Variants in CDH4 observed in about 807,000 individuals in gnomAD.
CDH4 encodes the protein cadherin-4.
In CDH4, 33 loss-of-function variants were observed where a neutral mutation model predicts 86.0. That is an observed-to-expected ratio of 0.38 (90% CI 0.29 to 0.51). CDH4 has a LOEUF of 0.51. Ranked by LOEUF, CDH4 falls within the 20% of genes least tolerant of loss-of-function variation. The pLI is 0.86. For missense variants in CDH4, 1,114 were observed against 1,307.4 expected, an observed-to-expected ratio of 0.85 and a Z score of 2.28; for synonymous variants, 555 against 549.4, an observed-to-expected ratio of 1.01 and a Z score of -0.14.
rs116840282 is a variant in CDH4, at chr20:61,374,098, A to G, written c.169+119161A>G. ...ATGGACCCCAAGTTTTTAAACATCT[A>G]TCAAGCACTGTCACAGAGCTGGCAC... On this transcript the variant is annotated intron_variant, in intron 2 of 15. Coordinates refer to ENST00000614565, the MANE Select transcript of CDH4 (RefSeq NM_001794.5). Among the ~76,000 whole-genome samples the G allele has an allele frequency of 2.5e-3, 376 of 152,274 alleles. 2 individuals are homozygous for G. The highest frequency in any genetic ancestry group is 8.6e-3 in the African/African-American group (359 of 41,582).
intron 2 of CDH4, among the ~76,000 whole-genome samples, chr20:61,654,972 C>T (rs996299036): frequency 1.4e-4 from 21 of 152,126 alleles, no homozygotes; most frequent in Admixed American, 9.8e-4. Flanking sequence ...CCCATGGAAA[C>T]GCGTCTGCGG....
At chr20:61,462,571 G>C (rs1240157604) in intron 2 of CDH4, among the ~76,000 whole-genome samples, 2 of 152,208 alleles carry the variant, frequency 1.3e-5, no homozygotes, top group African/African-American at 4.8e-5. Flanking sequence ...CACTCACTCA[G>C]CTTGTGCATT....
chr20:61,895,211 C>G (rs946131361), intron 8 of CDH4, among the ~76,000 whole-genome samples, 164 bp downstream of exon 8: 2 of 152,216 alleles, frequency 1.3e-5, no homozygotes, highest in Non-Finnish European at 2.9e-5. Context: ...TGGAGTGGCT[C>G]GATTCCTGAT....
chr20:61,393,917 A>G lies in CDH4; in HGVS notation c.169+138980A>G, dbSNP rs1456688945. Among the ~76,000 whole-genome samples the G allele has an allele frequency of 1.3e-5, 2 of 152,002 alleles. No homozygotes were observed. The highest frequency in any genetic ancestry group is 4.8e-5 in the African/African-American group (2 of 41,372). ...AAAAGAGTGTGCACTTAATGTTACC[A>G]TTAACATCATCATAATGACTGCCCC... On this transcript the variant is annotated intron_variant, in intron 2 of 15. Coordinates refer to ENST00000614565, the MANE Select transcript of CDH4 (RefSeq NM_001794.5). The surrounding 1 kb of genome is among the most constrained non-coding windows in gnomAD (Gnocchi z 4.3).
At chr20:61,329,478 G>GCTGCGGTGGATTGC (rs1439950765) in intron 2 of CDH4, among the ~76,000 whole-genome samples, 1 of 86,884 alleles carries the variant, frequency 1.2e-5, no homozygotes, top group Non-Finnish European at 2.6e-5. Flanking sequence ...AGGTGGCTGT[G>GCTGCGGTGGATTGC]AGTGGCTCTT....
intron 2 of CDH4, among the ~76,000 whole-genome samples, chr20:61,454,607 A>AG: frequency 6.6e-6 from 1 of 152,206 alleles, no homozygotes; most frequent in East Asian, 1.9e-4. Flanking sequence ...CACCATAGCC[A>AG]GCTAATTTTT....
At chr20:61,405,029 A>G (rs1347845226) in intron 2 of CDH4, among the ~76,000 whole-genome samples, 2 of 152,182 alleles carry the variant, frequency 1.3e-5, no homozygotes, top group African/African-American at 4.8e-5. Flanking sequence ...CAGCCTGAGT[A>G]CAGAGTAAGA....
intron 2 of CDH4, among the ~76,000 whole-genome samples, chr20:61,604,246 C>G (rs1409820986): frequency 6.6e-6 from 1 of 152,204 alleles, no homozygotes; most frequent in East Asian, 1.9e-4. Context: ...GAGTAACAGG[C>G]CCAAAAGCTT....
chr20:61,610,056 C>T (rs2086673314), intron 2 of CDH4, among the ~76,000 whole-genome samples: 1 of 152,184 alleles, frequency 6.6e-6, no homozygotes, highest in Non-Finnish European at 1.5e-5. Context: ...ACTATAGTAA[C>T]CCTACTGTAC....
chr20:61,553,418 G>A (rs116763394), intron 2 of CDH4, among the ~76,000 whole-genome samples: 2,693 of 152,306 alleles, frequency 0.018, 69 homozygotes, highest in African/African-American at 0.061. Context: ...ACCTAAATGC[G>A]TGGATTTACA....
At chr20:61,874,545 G>C (rs545281113) in intron 7 of CDH4, among the ~76,000 whole-genome samples, 205 of 152,298 alleles carry the variant, frequency 1.3e-3, no homozygotes, top group African/African-American at 4.7e-3. Flanking sequence ...GGAGGCCCTG[G>C]GCGGTGGGTG....
Position 61,543,778 on chromosome 20 carries a change from C to A in CDH4, c.170-199785C>A, listed in dbSNP as rs188524034. Among the ~76,000 whole-genome samples the A allele has an allele frequency of 1.9e-3, 290 of 152,266 alleles. 2 individuals carry two copies. The highest frequency in any genetic ancestry group is 3.3e-3 in the Non-Finnish European group (223 of 68,030). ...ACAAGTGTAAATTGGCCTCCTGCAA[C>A]GTTCATTTCTCTGAGATGGCGCCTT... On this transcript the variant is annotated intron_variant, in intron 2 of 15. Transcript: ENST00000614565.
intron 2 of CDH4, among the ~76,000 whole-genome samples, chr20:61,406,789 C>T (rs1330488499): frequency 1.4e-4 from 20 of 145,196 alleles, no homozygotes; most frequent in African/African-American, 3.6e-4. Context: ...CCCAGACCAC[C>T]GTGTGCTCTG....
In CDH4 at chr20:61,879,284, A is replaced by G. The variant is rs933692235; in HGVS notation, c.1050+5384A>G. ...TCAGAGAAGAGCACACATCGGGACC[A>G]TTTCTCCACCAGCCCAGCTTGCCTT... On this transcript the variant is annotated intron_variant, in intron 7 of 15. Coordinates refer to ENST00000614565, the MANE Select transcript of CDH4 (RefSeq NM_001794.5). The surrounding 1 kb of genome is among the most constrained non-coding windows in gnomAD (Gnocchi z 4.1). 6.6e-6 allele frequency among the ~76,000 whole-genome samples: 1 copy of G among 152,082 alleles called. No individual in the cohort carries two copies. The highest frequency in any genetic ancestry group is 1.5e-5 in the Non-Finnish European group (1 of 68,018).
chr20:61,590,528 C>T (rs73138640), intron 2 of CDH4, among the ~76,000 whole-genome samples: 6,286 of 152,284 alleles, frequency 0.041, 202 homozygotes, highest in Middle Eastern at 0.1. Flanking sequence ...AATAGAAACA[C>T]GTGTCTGCGT....
At chr20:61,904,512 C>A (rs969958485) in intron 8 of CDH4, among the ~76,000 whole-genome samples, 1 of 151,570 alleles carries the variant, frequency 6.6e-6, no homozygotes, top group Admixed American at 6.5e-5. Flanking sequence ...ACCGTGTCCC[C>A]CTGGTCTCTC....
At chr20:61,337,402 G>A (rs567799894) in intron 2 of CDH4, among the ~76,000 whole-genome samples, 3 of 149,972 alleles carry the variant, frequency 2.0e-5, no homozygotes, top group Non-Finnish European at 4.5e-5. Flanking sequence ...TAAAACTGAT[G>A]GAGATCACGC....
At position 61,676,516 on chromosome 20, in the gene CDH4, G is replaced by C. The variant is rs1028551080; in HGVS notation, c.170-67047G>C. On this transcript the variant is annotated intron_variant, in intron 2 of 15. Coordinates refer to ENST00000614565, the MANE Select transcript of CDH4 (RefSeq NM_001794.5). The surrounding 1 kb of genome is among the most constrained non-coding windows in gnomAD (Gnocchi z 4.5). ...AGGGTGGAGGGGGACAGACAAAAGGGAGGTGAGAAAACTCCTTGTCTGCAG... is the reference window on the plus strand; with the variant it reads ...AGGGTGGAGGGGGACAGACAAAAGGCAGGTGAGAAAACTCCTTGTCTGCAG... 3.1e-4 allele frequency among the ~76,000 whole-genome samples: 47 copies of C among 152,234 alleles called. No homozygotes were observed. The highest frequency in any genetic ancestry group is 1.1e-3 in the African/African-American group (46 of 41,538).
chr20:61,589,722 G>T (rs1019110976), intron 2 of CDH4, among the ~76,000 whole-genome samples: 28 of 151,566 alleles, frequency 1.8e-4, no homozygotes, highest in African/African-American at 6.6e-4. Context: ...TCGTCATTTA[G>T]CATTAGGTAT....
Sources: gnomAD v4.1 joint callset for allele counts (sites outside exome capture counted in the v4.1 genomes callset) on GRCh38, gnomAD v4.1.1 for gene constraint, Gnocchi (gnomAD v3.1) non-coding constraint, MANE v1.5 for transcripts, NCBI Gene and HGNC (gene_info 2026-07-23, HGNC 2026-07-21) for gene names.